Variants in MYO1F observed in about 807,000 individuals in gnomAD.
MYO1F encodes unconventional myosin-If.
Under a neutral mutation model 146.6 loss-of-function variants are expected in MYO1F, and 60 were observed. The ratio of observed to expected loss-of-function variants is 0.41; its 90% CI spans 0.33 to 0.51. MYO1F has a LOEUF of 0.51. Ranked by LOEUF, MYO1F falls within the 20% of genes least tolerant of loss-of-function variation. The pLI is 0.25. For synonymous variants in MYO1F, 602 were observed against 602.1 expected (o/e 1.00, Z 0.00); for missense variants, 1,274 against 1,534.3 (o/e 0.83, Z 2.83).
At chr19:8,573,478 A>T (rs996949758) in intron 1 of MYO1F, among the ~76,000 whole-genome samples, 1 of 152,110 alleles carries the variant, frequency 6.6e-6, no homozygotes, top group Non-Finnish European at 1.5e-5. Context: ...AGGTCCCATG[A>T]GCAATTCCAG....
intron 1 of MYO1F, 88 bp from the exon 2 acceptor site, chr19:8,555,884 C>T: frequency 2.3e-6 from 3 of 1,329,826 alleles, no homozygotes; most frequent in Non-Finnish European, 3.1e-6. Context: ...GGGTTCTGTC[C>T]CACCTCCCCC....
chr19:8,560,855 C>T (rs1974065099), intron 1 of MYO1F, among the ~76,000 whole-genome samples: 1 of 151,478 alleles, frequency 6.6e-6, no homozygotes, highest in Non-Finnish European at 1.5e-5. Context: ...TCTCCTGCCT[C>T]AGCCTCCCGA....
chr19:8,525,688 CT>C, intron 24 of MYO1F, 126 bp from the exon 25 acceptor site: 3 of 802,076 alleles, frequency 3.7e-6, no homozygotes, highest in Admixed American at 2.0e-5. Flanking sequence ...AGCACCGCCC[CT>C]TAGGTACAGT....
chr19:8,563,252 C>T (rs970161335), intron 1 of MYO1F, among the ~76,000 whole-genome samples: 1 of 150,268 alleles, frequency 6.7e-6, no homozygotes, highest in South Asian at 2.1e-4. Flanking sequence ...CTCGGCCTCC[C>T]AAAATGCTGG....
chr19:8,559,952 G>GAAAA (rs60369992), intron 1 of MYO1F, among the ~76,000 whole-genome samples: 1 of 108,508 alleles, frequency 9.2e-6, no homozygotes, highest in Admixed American at 1.1e-4. Flanking sequence ...CTCCATCTCA[G>GAAAA]AAAAAAAAAA....
rs1488346325 is a variant in MYO1F, at chr19:8,550,168, G to A, written c.1093C>T (p.Leu365Phe). ...GCCCCAGCCCCACTCGCCTCCACGA[G>A]GAAGTCGAAGAGGCGGGCATAGAGC... ...KGLYARLFDFLVEAINRAMQK... is the reference protein window; with the variant it reads ...KGLYARLFDFFVEAINRAMQK... Residue 365 changes from leucine (L) to phenylalanine (F), a missense_variant, in exon 10 of 28, where the codon CTC becomes TTC. By Grantham distance (22) the Leu-to-Phe change is conservative (BLOSUM62 0). Transcript: ENST00000644032. 1 of 1,614,040 alleles carries A rather than the reference G, an allele frequency of 6.2e-7. No homozygotes were observed. Among genetic ancestry groups the A allele is most frequent in the Non-Finnish European group, 8.5e-7 (1 of 1,180,038 alleles).
In MYO1F at chr19:8,530,436, G is replaced by A. The variant is rs767060281; in HGVS notation, c.2158+23C>T. On this transcript the variant is annotated intron_variant, in intron 20 of 27. Transcript: ENST00000644032. This position sits in a 1 kb window ranked among gnomAD's most constrained non-coding sequence, Gnocchi z 5.8. ...CCAGGTCCTTGTGCCCCCACCCCGC[G>A]CCGTTTACCCGAAGCCTCTCACCTT... 12 of 1,613,384 alleles carry A rather than the reference G, an allele frequency of 7.4e-6. No individual in the cohort carries two copies. The highest frequency in any genetic ancestry group is 1.0e-5 in the Non-Finnish European group (12 of 1,179,936).
At chr19:8,526,698 C>G in intron 23 of MYO1F, 91 bp downstream of exon 23, 2 of 1,532,608 alleles carry the variant, frequency 1.3e-6, no homozygotes, top group South Asian at 1.2e-5. Context: ...CGGCCGGGGC[C>G]GAAGCGCAGT....
chr19:8,523,034 A>C lies in MYO1F; in HGVS notation c.2855-205T>G, dbSNP rs200787792. ...AAGCATAATTTTAAAATTATTTTTTACTTTTTTTTTTTTTTGAGATGGAGT... is the reference window on the plus strand; with the variant it reads ...AAGCATAATTTTAAAATTATTTTTTCCTTTTTTTTTTTTTTGAGATGGAGT... On this transcript the variant is annotated intron_variant, in intron 25 of 27. Coordinates refer to ENST00000644032, the MANE Select transcript of MYO1F (RefSeq NM_012335.4). 7.8e-5 allele frequency among the ~76,000 whole-genome samples: 8 copies of C among 103,220 alleles called. No individual in the cohort carries two copies. In the East Asian group the frequency reaches 1.1e-3, roughly 14 times the overall value. 67.7% of individuals were successfully genotyped at this position (103,220 alleles called of 152,430 possible).
chr19:8,525,694 TAC>T, intron 24 of MYO1F, 132 bp from the exon 25 acceptor site: 1 of 778,456 alleles, frequency 1.3e-6, no homozygotes, highest in South Asian at 1.5e-5. Context: ...GCCCCTTAGG[TAC>T]AGTTACACTG....
intron 15 of MYO1F, among the ~76,000 whole-genome samples, chr19:8,541,430 T>C (rs1327810394): frequency 2.1e-5 from 3 of 145,270 alleles, no homozygotes; most frequent in Non-Finnish European, 4.5e-5. Context: ...TGTGTGTTTT[T>C]TTTTTTTTTT....
intron 21 of MYO1F, among the ~76,000 whole-genome samples, chr19:8,528,366 A>G (rs1599917202): frequency 6.6e-6 from 1 of 152,048 alleles, no homozygotes; most frequent in East Asian, 1.9e-4. Context: ...ATCTCTACTA[A>G]AAATACAAAA....
chr19:8,528,372 C>CA (rs1309740378), intron 21 of MYO1F, among the ~76,000 whole-genome samples: 3 of 149,940 alleles, frequency 2.0e-5, no homozygotes, highest in African/African-American at 4.9e-5. Context: ...ACTAAAAATA[C>CA]AAAAAACTAG....
chr19:8,540,094 G>A lies in MYO1F; in HGVS notation c.1611-66C>T, dbSNP rs1188017449. The A allele has an allele frequency of 2.2e-6, 3 of 1,340,516 alleles. No homozygotes were observed. The East Asian group carries it at 7.2e-5, about 32-fold the overall frequency. The allele number at this position is 1,340,516 out of a possible 1,614,324, so 83.0% of individuals were successfully genotyped here. On this transcript the variant is annotated intron_variant, in intron 15 of 27. Coordinates refer to ENST00000644032, the MANE Select transcript of MYO1F (RefSeq NM_012335.4). ...AGACTTTCGGGTACTCTTCCTCCAGGGGTGGGGCAGCCTCAATGCCGCAAC... is the reference window on the plus strand; with the variant it reads ...AGACTTTCGGGTACTCTTCCTCCAGAGGTGGGGCAGCCTCAATGCCGCAAC...
At chr19:8,539,125 C>T (rs1433481695) in intron 16 of MYO1F, among the ~76,000 whole-genome samples, 2 of 151,482 alleles carry the variant, frequency 1.3e-5, no homozygotes, top group South Asian at 2.1e-4. Context: ...ACTGAAAATA[C>T]AAAATTAGGC....
chr19:8,555,739 C>T lies in MYO1F; in HGVS notation c.61G>A (p.Asp21Asn), dbSNP rs758904329. ...SHNVKQSGVDDMVLLPQITED... is the reference protein window; with the variant it reads ...SHNVKQSGVDNMVLLPQITED... ...GTGATCTGGGGAAGAAGCACCATGT[C>T]ATCCACGCCGCTCTGCTTCACGTTG... The change falls in exon 2 of 28, where the codon GAC becomes AAC. Residue 21 changes from aspartate to asparagine, a missense_variant. Coordinates refer to ENST00000644032, the MANE Select transcript of MYO1F (RefSeq NM_012335.4). 1.6e-5 allele frequency: 26 copies of T among 1,614,034 alleles called. No individual in the cohort carries two copies. Among genetic ancestry groups the T allele is most frequent in the Non-Finnish European group, 1.9e-5 (23 of 1,180,052 alleles).
chr19:8,544,643 G>A (rs1352086742), intron 13 of MYO1F, among the ~76,000 whole-genome samples, 179 bp from the exon 14 acceptor site: 2 of 151,888 alleles, frequency 1.3e-5, no homozygotes, highest in African/African-American at 2.4e-5. Flanking sequence ...CAGGGGTCAG[G>A]GATGGAAGGG....
Position 8,530,326 on chromosome 19 carries a change from T to C in MYO1F, c.2198A>G (p.Asn733Ser), listed in dbSNP as rs1972429579. The change falls in exon 21 of 28, where the codon AAC becomes AGC. Residue 733 changes from asparagine (N) to serine (S), a missense_variant. Asn to Ser is a conservative substitution (Grantham distance 46). Around this residue, in one of 2 missense-constraint regions of MYO1F, gnomAD observed 900 missense variants for 1,155.1 expected, o/e 0.78. Transcript: ENST00000644032. The surrounding 1 kb of genome is among the most constrained non-coding windows in gnomAD (Gnocchi z 5.8). The stretch of plus-strand genomic sequence containing the variant: ...CCCGACGAAGTTCCGATTGATGCTG[T>C]TGCGCCTCCGCTCCTTCTTGTTCAG... ...ILLNKKERRR[N>S]SINRNFVGDY... 6.2e-7 allele frequency: 1 copy of C among 1,614,032 alleles called. No individual in the cohort carries two copies. The highest frequency in any genetic ancestry group is 1.1e-5 in the South Asian group (1 of 91,088).
chr19:8,548,421 C>A, intron 10 of MYO1F, 104 bp from the exon 11 acceptor site: 2 of 1,013,810 alleles, frequency 2.0e-6, no homozygotes. Context: ...TGGGTGATGT[C>A]CCCTCATGCC....
Sources: gnomAD v4.1 joint callset for allele counts (sites outside exome capture counted in the v4.1 genomes callset) on GRCh38, gnomAD v4.1.1 for gene constraint, gnomAD v4.1.1 regional missense constraint, Gnocchi (gnomAD v3.1) non-coding constraint, MANE v1.5 for transcripts, NCBI Gene and HGNC (gene_info 2026-07-23, HGNC 2026-07-21) for gene names.